The following ELF2 variants were observed in gnomAD, a reference collection of about 807,000 sequenced individuals.
ELF2 encodes the protein E74 like ETS transcription factor 2, also known as ETS-related transcription factor Elf-2.
A neutral mutation model predicts 54.8 loss-of-function variants in ELF2; 11 were observed. The ratio of observed to expected loss-of-function variants is 0.20; its 90% CI spans 0.13 to 0.33. The LOEUF (loss-of-function observed/expected upper bound fraction) is 0.33. Ranked by LOEUF, ELF2 falls within the 10% of genes least tolerant of loss-of-function variation. ELF2 has a pLI of 1.00. For missense variants in ELF2, 513 were observed against 703.0 expected (o/e 0.73, Z 3.06); for synonymous variants, 203 against 245.1 (o/e 0.83, Z 1.61).
chr4:139,064,799 G>A (rs1728436645), intron 7 of ELF2, among the ~76,000 whole-genome samples: 1 of 152,058 alleles, frequency 6.6e-6, no homozygotes, highest in Admixed American at 6.6e-5. Context: ...AGAATCGCTT[G>A]AACCCGGGAG....
At chr4:139,103,008 G>C (rs1160339204) in intron 4 of ELF2, among the ~76,000 whole-genome samples, 1 of 152,096 alleles carries the variant, frequency 6.6e-6, no homozygotes, top group Non-Finnish European at 1.5e-5. Context: ...CCTCCAAGTG[G>C]CTGGGACTTC....
intron 1 of ELF2, among the ~76,000 whole-genome samples, chr4:139,154,120 C>G (rs1043807860): frequency 6.6e-6 from 1 of 152,114 alleles, no homozygotes; most frequent in African/African-American, 2.4e-5. Flanking sequence ...TTGCCTCAGT[C>G]ATTTTCTTTG....
At chr4:139,064,803 C>T (rs1439881115) in intron 7 of ELF2, among the ~76,000 whole-genome samples, 1 of 152,014 alleles carries the variant, frequency 6.6e-6, no homozygotes, top group African/African-American at 2.4e-5. Context: ...TCGCTTGAAC[C>T]CGGGAGGCAG....
intron 6 of ELF2, among the ~76,000 whole-genome samples, chr4:139,070,393 C>T (rs182312094): frequency 1.3e-5 from 2 of 150,338 alleles, no homozygotes; most frequent in South Asian, 2.1e-4. Flanking sequence ...CGGGTTCAAG[C>T]GATTCTCCTG....
At chr4:139,114,249 C>G (rs1183164463) in intron 4 of ELF2, among the ~76,000 whole-genome samples, 1 of 151,918 alleles carries the variant, frequency 6.6e-6, no homozygotes, top group Non-Finnish European at 1.5e-5. Context: ...GATTTTTTTA[C>G]TTAAATGTCC....
chr4:139,151,965 A>C (rs537021731), intron 1 of ELF2, among the ~76,000 whole-genome samples: 1 of 152,230 alleles, frequency 6.6e-6, no homozygotes, highest in Non-Finnish European at 1.5e-5. Context: ...TATTACACCA[A>C]TCATATCTGA....
intron 4 of ELF2, among the ~76,000 whole-genome samples, chr4:139,084,673 C>A (rs761066599): frequency 1.0e-3 from 157 of 152,280 alleles, no homozygotes; most frequent in Non-Finnish European, 1.6e-3. Context: ...CTGCAATTGT[C>A]CCCCCTCTGG....
intron 2 of ELF2, among the ~76,000 whole-genome samples, chr4:139,138,555 T>C (rs1738407735): frequency 6.6e-6 from 1 of 152,248 alleles, no homozygotes; most frequent in African/African-American, 2.4e-5. Flanking sequence ...CTTTTAAAAC[T>C]ATTTGCCTAT....
At chr4:139,140,873 CTT>C (rs1022471200) in intron 1 of ELF2, among the ~76,000 whole-genome samples, 6 of 152,054 alleles carry the variant, frequency 3.9e-5, no homozygotes, top group African/African-American at 9.7e-5. Flanking sequence ...ATTTTATACT[CTT>C]GTCTCCACTT....
intron 1 of ELF2, among the ~76,000 whole-genome samples, chr4:139,143,384 TG>T (rs1191570115): frequency 3.3e-5 from 5 of 152,248 alleles, no homozygotes; most frequent in Admixed American, 3.3e-4. Context: ...CTCCCTTCAC[TG>T]TTGCAAGCTT....
At chr4:139,127,113 C>CT (rs1337742230) in intron 3 of ELF2, among the ~76,000 whole-genome samples, 1 of 152,166 alleles carries the variant, frequency 6.6e-6, no homozygotes, top group Admixed American at 6.5e-5. Flanking sequence ...TTTGGCTTAC[C>CT]TTCATGTACC....
chr4:139,076,595 C>T (rs190884923), intron 4 of ELF2, among the ~76,000 whole-genome samples: 2 of 152,184 alleles, frequency 1.3e-5, no homozygotes. Flanking sequence ...TATTAAGACA[C>T]ACCCTAAAAC....
chr4:139,084,353 A>T, intron 4 of ELF2: 4 of 1,505,080 alleles, frequency 2.7e-6, no homozygotes, highest in Non-Finnish European at 3.5e-6. Context: ...GCGTCCTCCG[A>T]CAGGAAGCCG....
intron 5 of ELF2, 190 bp from the exon 6 acceptor site, chr4:139,072,229 A>C: frequency 1.8e-6 from 1 of 550,966 alleles, no homozygotes; most frequent in Non-Finnish European, 3.0e-6. Context: ...AAATGCATGG[A>C]AAATCAACTT....
intron 9 of ELF2, among the ~76,000 whole-genome samples, chr4:139,059,862 T>A (rs1297361199): frequency 6.6e-6 from 1 of 151,996 alleles, no homozygotes; most frequent in Non-Finnish European, 1.5e-5. Context: ...TTTTTTTTTT[T>A]TTGGAGATAA....
At chr4:139,114,483 C>T (rs899920266) in intron 4 of ELF2, among the ~76,000 whole-genome samples, 4 of 150,588 alleles carry the variant, frequency 2.7e-5, no homozygotes, top group South Asian at 2.1e-4. Flanking sequence ...GCAGGAGAAT[C>T]GCTTGAACCC....
rs2148882093 is a variant in ELF2 at position 139,150,021 on chromosome 4, C to G, written c.-251-10524G>C. 1.3e-5 allele frequency among the ~76,000 whole-genome samples: 2 copies of G among 152,090 alleles called. 1 individual carries two copies. Among genetic ancestry groups the G allele is most frequent in the South Asian group, 4.1e-4 (2 of 4,820 alleles). Reference sequence around the variant, plus strand: ...CCCAGTCTGGGCAACATGGTGAAACCCCATCTCTATAAAAAATATAAAAAT... The same window carrying G: ...CCCAGTCTGGGCAACATGGTGAAACGCCATCTCTATAAAAAATATAAAAAT... On this transcript the variant is annotated intron_variant, in intron 1 of 9. Coordinates refer to ENST00000686138, the MANE Select transcript of ELF2 (RefSeq NM_001331036.3).
chr4:139,073,629 A>C (rs1729842518), intron 4 of ELF2, 62 bp from the exon 5 acceptor site: 13 of 896,862 alleles, frequency 1.4e-5, no homozygotes, highest in Non-Finnish European at 1.9e-5. Context: ...AAAACATATT[A>C]CTAAGAAATA....
chr4:139,160,094 T>C (rs937223826), intron 1 of ELF2, among the ~76,000 whole-genome samples: 3 of 152,108 alleles, frequency 2.0e-5, no homozygotes, highest in Non-Finnish European at 4.4e-5. Context: ...TCCCAGCACT[T>C]TGGGAGGCCA....
Sources: gnomAD v4.1 joint callset for allele counts (sites outside exome capture counted in the v4.1 genomes callset) on GRCh38, gnomAD v4.1.1 for gene constraint, MANE v1.5 for transcripts, NCBI Gene and HGNC (gene_info 2026-07-23, HGNC 2026-07-21) for gene names.